The following QSER1 variants were observed in gnomAD, a reference collection of about 807,000 sequenced individuals.
The protein encoded by QSER1 is glutamine and serine rich 1, also known as glutamine and serine-rich protein 1.
A neutral mutation model predicts 158.5 loss-of-function variants in QSER1; 49 were observed. That is an observed-to-expected ratio of 0.31 (90% CI 0.25 to 0.39). The LOEUF is 0.39. QSER1 is among the 10% of genes least tolerant of loss of function. The probability of loss-of-function intolerance (pLI) is 1.00; values close to 1 mark genes in which losing one functional copy is unlikely to be tolerated. For synonymous variants in QSER1, 650 were observed against 715.5 expected (o/e 0.91, Z 1.46); for missense variants, 1,754 against 2,010.3 (o/e 0.87, Z 2.44).
At chr11:32,936,389 G>A (rs1852154133) in intron 4 of QSER1, among the ~76,000 whole-genome samples, 1 of 152,122 alleles carries the variant, frequency 6.6e-6, no homozygotes, top group African/African-American at 2.4e-5. Context: ...TGGCTGCATA[G>A]TATTCCATGG....
chr11:32,903,703 CT>C (rs941302145), intron 1 of QSER1, among the ~76,000 whole-genome samples: 3 of 152,014 alleles, frequency 2.0e-5, no homozygotes, highest in African/African-American at 4.8e-5. Flanking sequence ...GCCTCCACCC[CT>C]GGGATCAAGC....
At position 32,969,118 on chromosome 11, in the gene QSER1, A is replaced by G. The variant is rs759628252; in HGVS notation, c.5180A>G (p.Asn1727Ser). ...GATAACCGAAAGAGACTTCTTTTGA[A>G]TCTTCATTTGGATCAATCATTCAAG... ...LNDNRKRLLL[N>S]LHLDQSFKNA... The change falls in exon 10 of 13, where the codon AAT (asparagine) becomes AGT (serine). Residue 1727 changes from asparagine to serine, a missense_variant. Asn to Ser is a conservative substitution (Grantham distance 46). Coordinates refer to ENST00000650167, the MANE Select transcript of QSER1 (RefSeq NM_001076786.3). 5.0e-6 allele frequency: 8 copies of G among 1,595,030 alleles called. No homozygotes were observed. The highest frequency in any genetic ancestry group is 3.5e-5 in the Admixed American group (2 of 57,036).
chr11:32,954,192 T>C lies in QSER1; in HGVS notation c.4500+13T>C, dbSNP rs757781908. On this transcript the variant is annotated intron_variant, in intron 5 of 12. Coordinates refer to ENST00000650167, the MANE Select transcript of QSER1 (RefSeq NM_001076786.3). Reference sequence around the variant, plus strand: ...AGAGACTTTTAAGGTGATGTCAGTGTTCACCAGTGTAAAGGTCATAGTTTA... The same window carrying C: ...AGAGACTTTTAAGGTGATGTCAGTGCTCACCAGTGTAAAGGTCATAGTTTA... 18 of 1,606,186 alleles carry C rather than the reference T, an allele frequency of 1.1e-5. No homozygotes were observed. The highest frequency in any genetic ancestry group is 1.4e-5 in the Non-Finnish European group (17 of 1,176,812).
chr11:32,977,677 A>C lies in QSER1; in HGVS notation c.*1203A>C, dbSNP rs556863477. The C allele has an allele frequency of 6.5e-6, 1 of 152,710 alleles. No homozygotes were observed. Among genetic ancestry groups the C allele is most frequent in the South Asian group, 2.1e-4 (1 of 4,828 alleles). 9.5% of individuals were successfully genotyped at this position (152,710 alleles called of 1,614,324 possible). A position where few individuals can be genotyped will look rare whatever the true frequency, so the allele number is the denominator to read the frequency against. On this transcript the variant is annotated 3_prime_UTR_variant, in exon 13 of 13. Coordinates refer to ENST00000650167, the MANE Select transcript of QSER1 (RefSeq NM_001076786.3). ...TCTTAGGTTTGATAGGTAGCGTTTC[A>C]AGTAGTTTAGCTGAGACAGTGAATG...
At chr11:32,936,114 G>A (rs1302349593) in intron 4 of QSER1, among the ~76,000 whole-genome samples, 2 of 151,958 alleles carry the variant, frequency 1.3e-5, no homozygotes, top group Non-Finnish European at 2.9e-5. Flanking sequence ...ATGTATACAT[G>A]TGCCATGTTG....
At chr11:32,923,088 A>T (rs1344442641) in intron 1 of QSER1, among the ~76,000 whole-genome samples, 1 of 152,212 alleles carries the variant, frequency 6.6e-6, no homozygotes, top group African/African-American at 2.4e-5. Context: ...CTGTGGTACA[A>T]CCATGCAATG....
intron 4 of QSER1, among the ~76,000 whole-genome samples, chr11:32,937,271 C>G (rs1852165862): frequency 6.6e-6 from 1 of 151,994 alleles, no homozygotes; most frequent in Non-Finnish European, 1.5e-5. Flanking sequence ...TCATTACAGA[C>G]TTTTCTTTTT....
At chr11:32,951,634 A>G (rs1852424002) in intron 4 of QSER1, among the ~76,000 whole-genome samples, 1 of 152,144 alleles carries the variant, frequency 6.6e-6, no homozygotes, top group Admixed American at 6.5e-5. Context: ...TTTACAATGT[A>G]AGTTTGCAGT....
At chr11:32,962,666 C>T (rs1283936612) in intron 8 of QSER1, among the ~76,000 whole-genome samples, 2 of 152,146 alleles carry the variant, frequency 1.3e-5, no homozygotes, top group Non-Finnish European at 2.9e-5. Flanking sequence ...TTTCATTTTA[C>T]ACTATCAAAA....
At chr11:32,941,424 T>C (rs1374089061) in intron 4 of QSER1, among the ~76,000 whole-genome samples, 4 of 128,726 alleles carry the variant, frequency 3.1e-5, no homozygotes, top group Non-Finnish European at 6.3e-5. Flanking sequence ...ATGTTCCCCT[T>C]CCTGTGTCCA....
intron 1 of QSER1, among the ~76,000 whole-genome samples, chr11:32,910,599 A>G (rs530533835): frequency 6.6e-6 from 1 of 152,312 alleles, no homozygotes; most frequent in East Asian, 1.9e-4. Flanking sequence ...TTTTGCATGC[A>G]TATACTCAGT....
chr11:32,922,337 C>T (rs1851909119), intron 1 of QSER1, among the ~76,000 whole-genome samples: 1 of 151,988 alleles, frequency 6.6e-6, no homozygotes, highest in Non-Finnish European at 1.5e-5. Context: ...AGAACTTGCT[C>T]CAGAATATAT....
rs1853046781 is a variant in QSER1 at position 32,980,207 on chromosome 11, T to G, written c.*3733T>G. The G allele has an allele frequency of 6.6e-6, 1 of 152,660 alleles. No individual in the cohort carries two copies. Among genetic ancestry groups the G allele is most frequent in the South Asian group, 2.1e-4 (1 of 4,830 alleles). The allele number at this position is 152,660 out of a possible 1,614,324, so 9.5% of individuals were successfully genotyped here. A position where few individuals can be genotyped will look rare whatever the true frequency, so the allele number is the denominator to read the frequency against. ...ATGTATGGAAATGTGAAAGACAATT[T>G]TGTACATTTGTTTGTTACTAACTCA... On this transcript the variant is annotated 3_prime_UTR_variant, in exon 13 of 13. Coordinates refer to ENST00000650167, the MANE Select transcript of QSER1 (RefSeq NM_001076786.3).
In QSER1 at chr11:32,966,555, G is replaced by A. The variant is rs1852753156; in HGVS notation, c.5107+118G>A. 3 of 819,782 alleles carry A rather than the reference G, an allele frequency of 3.7e-6. No homozygotes were observed. In the South Asian group the frequency reaches 8.9e-5, roughly 24 times the overall value. 50.8% of individuals were successfully genotyped at this position (819,782 alleles called of 1,614,324 possible). On this transcript the variant is annotated intron_variant, in intron 9 of 12. Coordinates refer to ENST00000650167, the MANE Select transcript of QSER1 (RefSeq NM_001076786.3). Reference sequence around the variant, plus strand: ...TGTAATATATACCTATAAATTGTCAGTTAAATATATAGCATCTTAATTCCA... The same window carrying A: ...TGTAATATATACCTATAAATTGTCAATTAAATATATAGCATCTTAATTCCA...
intron 8 of QSER1, among the ~76,000 whole-genome samples, chr11:32,962,519 G>A (rs956976661): frequency 6.6e-6 from 1 of 151,960 alleles, no homozygotes; most frequent in Non-Finnish European, 1.5e-5. Context: ...TTTAAATTTG[G>A]ATGAAGCCCA....
chr11:32,950,766 C>T (rs1454368452), intron 4 of QSER1, among the ~76,000 whole-genome samples: 1 of 152,070 alleles, frequency 6.6e-6, no homozygotes, highest in African/African-American at 2.4e-5. Flanking sequence ...AAAGGGAATC[C>T]TATAATAAGT....
intron 8 of QSER1, among the ~76,000 whole-genome samples, chr11:32,965,540 G>A (rs1208112028): frequency 6.6e-6 from 1 of 152,122 alleles, no homozygotes. Context: ...ACTAAACAGA[G>A]AAACCATCAA....
intron 4 of QSER1, among the ~76,000 whole-genome samples, chr11:32,949,991 A>G (rs1278018847): frequency 6.6e-6 from 1 of 152,194 alleles, no homozygotes; most frequent in Non-Finnish European, 1.5e-5. Context: ...ACTCTAGGCA[A>G]GTAGAATTCA....
At position 32,923,697 on chromosome 11, in the gene QSER1, C is replaced by T. The variant is rs1187903024; in HGVS notation, c.210-3460C>T. Reference sequence around the variant, plus strand: ...TTGTCTCAAAAAAAAAGGCCGGGCACGGTGGCTCACACCTGTAATCCCAGC... The same window carrying T: ...TTGTCTCAAAAAAAAAGGCCGGGCATGGTGGCTCACACCTGTAATCCCAGC... On this transcript the variant is annotated intron_variant, in intron 1 of 12. Transcript: ENST00000650167. Among the ~76,000 whole-genome samples the T allele has an allele frequency of 3.3e-5, 5 of 149,730 alleles. No homozygotes were observed. The South Asian group carries it at 6.3e-4, about 19-fold the overall frequency.
Sources: gnomAD v4.1 joint callset for allele counts (sites outside exome capture counted in the v4.1 genomes callset) on GRCh38, gnomAD v4.1.1 for gene constraint, MANE v1.5 for transcripts, NCBI Gene and HGNC (gene_info 2026-07-23, HGNC 2026-07-21) for gene names.